MYH11: variants seen among roughly 807,000 people sequenced by gnomAD.
MYH11 encodes the protein myosin heavy chain 11, also known as myosin-11.
Under a neutral mutation model 246.6 loss-of-function variants are expected in MYH11, and 80 were observed. The observed-to-expected ratio is 0.32, with a 90% CI of 0.27 to 0.39. MYH11 has a LOEUF of 0.39. Among genes scored for constraint, MYH11 ranks in the 10% least tolerant of loss-of-function variants. The probability of loss-of-function intolerance (pLI) is 1.00; values close to 1 mark genes in which losing one functional copy is unlikely to be tolerated. For missense variants in MYH11, 2,158 were observed against 2,546.8 expected (o/e 0.85, Z 3.29); for synonymous variants, 1,071 against 1,015.5 (o/e 1.05, Z -1.04).
At chr16:15,818,581 C>T (rs1384874944) in intron 3 of MYH11, among the ~76,000 whole-genome samples, 3 of 152,216 alleles carry the variant, frequency 2.0e-5, no homozygotes, top group East Asian at 1.9e-4. Flanking sequence ...ACTACAGGCG[C>T]CTGCCACTGT....
At chr16:15,773,881 C>A (rs2042161940) in intron 8 of MYH11, among the ~76,000 whole-genome samples, 1 of 152,150 alleles carries the variant, frequency 6.6e-6, no homozygotes, top group African/African-American at 2.4e-5. Context: ...CCTATGATTA[C>A]ATTTCCTTTG....
At chr16:15,724,022 G>A in intron 31 of MYH11, 139 bp downstream of exon 31, 2 of 1,453,796 alleles carry the variant, frequency 1.4e-6, no homozygotes, top group Non-Finnish European at 1.9e-6. Flanking sequence ...CCCAAGACAA[G>A]ATAAGACAGC....
chr16:15,833,477 G>A (rs2043808947), intron 2 of MYH11, among the ~76,000 whole-genome samples: 2 of 152,110 alleles, frequency 1.3e-5, no homozygotes, highest in Middle Eastern at 3.4e-3. Context: ...AGAAGACCAA[G>A]GGACCCTTAG....
chr16:15,797,583 T>C (rs1372553348), intron 4 of MYH11, among the ~76,000 whole-genome samples: 3 of 148,404 alleles, frequency 2.0e-5, no homozygotes, highest in Non-Finnish European at 4.5e-5. Context: ...TAATACATAT[T>C]ATATATTATG....
chr16:15,817,158 G>A (rs968998539), intron 3 of MYH11, among the ~76,000 whole-genome samples: 1 of 152,138 alleles, frequency 6.6e-6, no homozygotes, highest in Admixed American at 6.5e-5. Context: ...GGGTTGAAGG[G>A]AGAAGTTCAC....
At chr16:15,818,873 G>A (rs532573384) in intron 3 of MYH11, among the ~76,000 whole-genome samples, 9 of 152,116 alleles carry the variant, frequency 5.9e-5, no homozygotes, top group African/African-American at 1.4e-4. Flanking sequence ...GCATATTCAC[G>A]GTTTTCATTT....
intron 40 of MYH11, among the ~76,000 whole-genome samples, chr16:15,706,004 A>AAAAAAAAAT (rs1567671064): frequency 6.6e-6 from 1 of 150,900 alleles, no homozygotes; most frequent in African/African-American, 2.4e-5. Flanking sequence ...AAAAAAAAAA[A>AAAAAAAAAT]ATCAAGGCCC....
chr16:15,712,187 A>G (rs1015409072), intron 40 of MYH11, among the ~76,000 whole-genome samples: 1 of 152,186 alleles, frequency 6.6e-6, no homozygotes, highest in African/African-American at 2.4e-5. Flanking sequence ...GGGGTGCAGC[A>G]TGTTTGGTGT....
intron 14 of MYH11, 148 bp from the exon 15 acceptor site, chr16:15,753,656 A>AACAC: frequency 1.4e-6 from 1 of 718,984 alleles, no homozygotes; most frequent in East Asian, 2.7e-5. Context: ...GGACTCCACA[A>AACAC]ACACCAGTGA....
At chr16:15,810,573 C>A (rs2043116306) in intron 3 of MYH11, among the ~76,000 whole-genome samples, 1 of 152,144 alleles carries the variant, frequency 6.6e-6, no homozygotes, top group South Asian at 2.1e-4. Context: ...TAGCTGACAG[C>A]CACTGCAAAA....
At chr16:15,769,224 G>A (rs1176183809) in intron 9 of MYH11, among the ~76,000 whole-genome samples, 5 of 152,242 alleles carry the variant, frequency 3.3e-5, no homozygotes, top group Non-Finnish European at 7.3e-5. Flanking sequence ...GCTCAGCCAA[G>A]AGAATTGCTT....
At chr16:15,824,385 C>T (rs772002115) in intron 2 of MYH11, among the ~76,000 whole-genome samples, 1 of 151,986 alleles carries the variant, frequency 6.6e-6, no homozygotes, top group African/African-American at 2.4e-5. Flanking sequence ...TTAAGTGATC[C>T]TCTCGCCTCA....
intron 20 of MYH11, among the ~76,000 whole-genome samples, chr16:15,742,579 C>CAAGTA (rs1013514562): frequency 6.6e-6 from 1 of 151,838 alleles, no homozygotes; most frequent in African/African-American, 2.4e-5. Context: ...TCTACAAAAA[C>CAAGTA]AAGTAACCAG....
intron 3 of MYH11, among the ~76,000 whole-genome samples, chr16:15,800,227 G>A (rs978079336): frequency 6.6e-6 from 1 of 151,946 alleles, no homozygotes; most frequent in African/African-American, 2.4e-5. Flanking sequence ...AGAAAGGATG[G>A]GTGGATGGAA....
chr16:15,770,815 C>A (rs2042082785), intron 9 of MYH11, among the ~76,000 whole-genome samples: 1 of 152,174 alleles, frequency 6.6e-6, no homozygotes, highest in East Asian at 1.9e-4. Context: ...AGCCGGGAAT[C>A]TACTCTGTTC....
chr16:15,811,585 C>T (rs557691662), intron 3 of MYH11, among the ~76,000 whole-genome samples: 11 of 152,042 alleles, frequency 7.2e-5, no homozygotes, highest in Non-Finnish European at 1.5e-4. Context: ...TGCAGGGGCC[C>T]TGAGGACATC....
At chr16:15,722,692 G>C (rs1057277676) in intron 31 of MYH11, among the ~76,000 whole-genome samples, 1 of 152,210 alleles carries the variant, frequency 6.6e-6, no homozygotes, top group Non-Finnish European at 1.5e-5. Flanking sequence ...CAGTCAGGGA[G>C]GGGTAGGGAA....
chr16:15,855,796 A>G (rs1459538164), intron 1 of MYH11, among the ~76,000 whole-genome samples: 1 of 152,216 alleles, frequency 6.6e-6, no homozygotes. Flanking sequence ...CGTTGAGTAA[A>G]TCAAAGAAAC....
intron 38 of MYH11, among the ~76,000 whole-genome samples, chr16:15,715,710 A>G (rs993395816): frequency 6.6e-6 from 1 of 152,112 alleles, no homozygotes. Context: ...TCTTCACCCT[A>G]GTTCATAGTT....
Sources: allele counts gnomAD v4.1 joint callset (sites outside exome capture counted in the v4.1 genomes callset), GRCh38; gene constraint gnomAD v4.1.1; transcripts MANE v1.5; gene names NCBI Gene and HGNC (gene_info 2026-07-23, HGNC 2026-07-21).